Variants in CLASP1 observed in about 807,000 individuals in gnomAD.
The protein encoded by CLASP1 is CLIP-associating protein 1.
A neutral mutation model predicts 192.3 loss-of-function variants in CLASP1; 38 were observed. The observed-to-expected ratio is 0.20, with a 90% CI of 0.15 to 0.26. The LOEUF is 0.26. Among genes scored for constraint, CLASP1 ranks in the 10% least tolerant of loss-of-function variants. The pLI is 1.00. For missense variants in CLASP1, 1,433 were observed against 1,932.5 expected (o/e 0.74, Z 4.85); for synonymous variants, 691 against 712.8 (o/e 0.97, Z 0.49).
chr2:121,529,164 C>T (rs2094673550), intron 3 of CLASP1, among the ~76,000 whole-genome samples: 1 of 152,138 alleles, frequency 6.6e-6, no homozygotes, highest in African/African-American at 2.4e-5. Flanking sequence ...AAGGAGTGGG[C>T]ACTTATGAAT....
intron 8 of CLASP1, among the ~76,000 whole-genome samples, chr2:121,489,855 T>C (rs1055182581): frequency 2.6e-5 from 4 of 152,242 alleles, no homozygotes; most frequent in Non-Finnish European, 5.9e-5. Context: ...ATGCTTTTCC[T>C]CTATACCTAC....
intron 7 of CLASP1, among the ~76,000 whole-genome samples, chr2:121,505,652 C>T (rs987969525): frequency 6.6e-6 from 1 of 152,120 alleles, no homozygotes; most frequent in Non-Finnish European, 1.5e-5. Context: ...ACATTGAATA[C>T]ATAACTAATG....
At chr2:121,384,192 A>G (rs1202796335) in intron 32 of CLASP1, among the ~76,000 whole-genome samples, 2 of 151,198 alleles carry the variant, frequency 1.3e-5, no homozygotes, top group African/African-American at 4.9e-5. Context: ...ACACACACAC[A>G]CATTTTTTGT....
chr2:121,414,949 T>A (rs1037998460), intron 23 of CLASP1, among the ~76,000 whole-genome samples: 1 of 151,374 alleles, frequency 6.6e-6, no homozygotes, highest in Non-Finnish European at 1.5e-5. Context: ...CACATTCGGC[T>A]TTGTTTTTTT....
Position 121,469,135 on chromosome 2 carries a change from G to A in CLASP1, c.865+673C>T, listed in dbSNP as rs367857848. On this transcript the variant is annotated intron_variant, in intron 9 of 39. Transcript: ENST00000263710. ...CTACAGATTGTCTTTGAGGTGTTGA[G>A]CTCTGCCCTTCCTGCATGAAGAGCC... is the stretch of plus-strand genomic sequence containing the variant. Among the ~76,000 whole-genome samples the A allele has an allele frequency of 5.3e-5, 8 of 152,244 alleles. No homozygotes were observed. The East Asian group carries it at 7.7e-4, about 15-fold the overall frequency.
chr2:121,398,819 C>G (rs2075712542), intron 28 of CLASP1, among the ~76,000 whole-genome samples: 1 of 152,176 alleles, frequency 6.6e-6, no homozygotes, highest in Non-Finnish European at 1.5e-5. Context: ...TTAAACTAAC[C>G]GTATCATCCT....
chr2:121,379,644 G>GA (rs376220642), intron 33 of CLASP1, among the ~76,000 whole-genome samples: 24 of 151,726 alleles, frequency 1.6e-4, no homozygotes, highest in East Asian at 5.8e-4. Flanking sequence ...CCATGCAAAA[G>GA]AAAAAAAATC....
chr2:121,607,850 C>T (rs752928129), intron 1 of CLASP1, among the ~76,000 whole-genome samples: 1 of 152,128 alleles, frequency 6.6e-6, no homozygotes, highest in Non-Finnish European at 1.5e-5. Context: ...CTAATCTCAA[C>T]GTAAAAACAT....
chr2:121,647,096 G>A (rs1405924956), intron 1 of CLASP1, among the ~76,000 whole-genome samples: 2 of 150,862 alleles, frequency 1.3e-5, no homozygotes, highest in Non-Finnish European at 2.9e-5. Context: ...GGCCGAGCGC[G>A]ATTGCTCACG....
chr2:121,450,159 G>A (rs2085155860), intron 16 of CLASP1, among the ~76,000 whole-genome samples: 1 of 151,984 alleles, frequency 6.6e-6, no homozygotes, highest in African/African-American at 2.4e-5. Flanking sequence ...GTGAAACCAT[G>A]TGTCTACTAA....
intron 35 of CLASP1, among the ~76,000 whole-genome samples, chr2:121,365,945 GTTCTT>G (rs1248363566): frequency 6.6e-6 from 1 of 152,182 alleles, no homozygotes; most frequent in African/African-American, 2.4e-5. Context: ...TCTCCTCCAT[GTTCTT>G]TTAAGAAACC....
intron 19 of CLASP1, among the ~76,000 whole-genome samples, chr2:121,442,481 C>CTT (rs761873166): frequency 1.4e-5 from 2 of 144,398 alleles, no homozygotes; most frequent in African/African-American, 5.0e-5. Context: ...AAATTTCTTT[C>CTT]TTTTTTTTTT....
intron 1 of CLASP1, among the ~76,000 whole-genome samples, chr2:121,630,381 A>C (rs1166139312): frequency 1.4e-5 from 2 of 138,970 alleles, no homozygotes; most frequent in Admixed American, 1.5e-4. Context: ...ATTGGAAAGA[A>C]ACACACACAC....
At chr2:121,579,079 T>C (rs2060856124) in intron 2 of CLASP1, among the ~76,000 whole-genome samples, 1 of 152,208 alleles carries the variant, frequency 6.6e-6, no homozygotes, top group Non-Finnish European at 1.5e-5. Flanking sequence ...AAATACAGTA[T>C]TATCCATGTC....
Position 121,498,985 on chromosome 2 carries a change from T to G in CLASP1, c.712+4182A>C, listed in dbSNP as rs1258776995. Reference sequence around the variant, plus strand: ...GGTTGCTGGTAAGAACATAAAATAGTGCTGCAAAACTGGAAAACTGTGTGT... The same window carrying G: ...GGTTGCTGGTAAGAACATAAAATAGGGCTGCAAAACTGGAAAACTGTGTGT... On this transcript the variant is annotated intron_variant, in intron 8 of 39. Coordinates refer to ENST00000263710, the Ensembl canonical transcript of CLASP1. 2.6e-5 allele frequency among the ~76,000 whole-genome samples: 4 copies of G among 152,206 alleles called. No homozygotes were observed. In the East Asian group the frequency reaches 7.7e-4, roughly 29 times the overall value.
At chr2:121,340,075 G>C (rs943714291) in exon 40 of CLASP1, 2 of 152,176 alleles carry the variant, frequency 1.3e-5, no homozygotes, top group Non-Finnish European at 2.9e-5. Context: ...TTCATGAACT[G>C]CCATCTCAGG....
chr2:121,624,457 T>TGGA (rs2067944465), intron 1 of CLASP1, among the ~76,000 whole-genome samples: 1 of 152,198 alleles, frequency 6.6e-6, no homozygotes, highest in Non-Finnish European at 1.5e-5. Context: ...CCACCCAGGC[T>TGGA]GGAGTACAGT....
At chr2:121,611,439 T>G (rs1276099067) in intron 1 of CLASP1, among the ~76,000 whole-genome samples, 226 of 44,242 alleles carry the variant, frequency 5.1e-3, no homozygotes, top group Admixed American at 7.1e-3. Context: ...AACTGGAGGA[T>G]GATGAGGAGT....
intron 6 of CLASP1, among the ~76,000 whole-genome samples, chr2:121,524,696 A>T (rs1177301026): frequency 6.6e-6 from 1 of 152,140 alleles, no homozygotes; most frequent in African/African-American, 2.4e-5. Flanking sequence ...GCCTCAAGTG[A>T]TCCACCCACC....
Sources: allele counts gnomAD v4.1 joint callset (sites outside exome capture counted in the v4.1 genomes callset), GRCh38; gene constraint gnomAD v4.1.1; transcripts MANE v1.5; gene names NCBI Gene and HGNC (gene_info 2026-07-23, HGNC 2026-07-21).